The following ERBB4 variants were observed in gnomAD, a reference collection of about 807,000 sequenced individuals.
ERBB4 encodes receptor tyrosine-protein kinase erbB-4.
ERBB4 carries 42 observed loss-of-function variants against 158.0 expected under a neutral mutation model. That is an observed-to-expected ratio of 0.27 (90% CI 0.21 to 0.34). ERBB4 has a LOEUF of 0.34. Ranked by LOEUF, ERBB4 falls within the 10% of genes least tolerant of loss-of-function variation. The pLI is 1.00. For synonymous variants in ERBB4, 583 were observed against 558.7 expected (o/e 1.04, Z -0.61); for missense variants, 1,333 against 1,624.1 (o/e 0.82, Z 3.08).
At chr2:211,952,200 G>C (rs2080892799) in intron 2 of ERBB4, among the ~76,000 whole-genome samples, 1 of 151,946 alleles carries the variant, frequency 6.6e-6, no homozygotes, top group South Asian at 2.1e-4. Context: ...ATTCTCTCAG[G>C]TATTCCTATA....
chr2:211,991,501 A>G (rs1012767007), intron 2 of ERBB4, among the ~76,000 whole-genome samples: 1 of 152,184 alleles, frequency 6.6e-6, no homozygotes, highest in Admixed American at 6.6e-5. Flanking sequence ...TAAATATTAG[A>G]ACAATGCATT....
chr2:212,274,585 C>T (rs1236887795), intron 1 of ERBB4, among the ~76,000 whole-genome samples: 2 of 151,730 alleles, frequency 1.3e-5, no homozygotes, highest in Non-Finnish European at 2.9e-5. Flanking sequence ...TCTAATATGG[C>T]ACCTTAACAT....
intron 3 of ERBB4, among the ~76,000 whole-genome samples, chr2:211,802,148 A>G (rs1472125223): frequency 2.0e-5 from 3 of 152,054 alleles, no homozygotes; most frequent in Non-Finnish European, 2.9e-5. Context: ...AGTCGCAGCT[A>G]CTCGGGAGGC....
chr2:211,957,059 G>A (rs190556498), intron 2 of ERBB4, among the ~76,000 whole-genome samples: 58 of 151,848 alleles, frequency 3.8e-4, no homozygotes, highest in Middle Eastern at 3.4e-3. Context: ...TGAACTCCTC[G>A]CCTCAAGCAA....
chr2:212,107,215 G>A (rs1048106050), intron 2 of ERBB4, among the ~76,000 whole-genome samples: 1 of 152,178 alleles, frequency 6.6e-6, no homozygotes, highest in Non-Finnish European at 1.5e-5. Flanking sequence ...TGGGAGGCTG[G>A]ACCCTGCAAA....
At chr2:211,390,685 G>T (rs955972925) in intron 25 of ERBB4, among the ~76,000 whole-genome samples, 2 of 152,126 alleles carry the variant, frequency 1.3e-5, no homozygotes, top group African/African-American at 4.8e-5. Flanking sequence ...AAGACATAAA[G>T]CGAGGCCATG....
intron 22 of ERBB4, among the ~76,000 whole-genome samples, chr2:211,426,009 T>C (rs1235169061): frequency 6.6e-6 from 1 of 152,162 alleles, no homozygotes. Context: ...AGGAGAACAC[T>C]TTATTAACTT....
chr2:211,834,331 A>G (rs752569858), intron 3 of ERBB4, among the ~76,000 whole-genome samples: 17 of 152,126 alleles, frequency 1.1e-4, no homozygotes, highest in Non-Finnish European at 5.9e-5. Flanking sequence ...CGACTGCTCA[A>G]CAACTTACAG....
At position 211,657,741 on chromosome 2, in the gene ERBB4, T is replaced by C. The variant is rs1183950265; in HGVS notation, c.1946+13A>G. 3 of 1,604,250 alleles carry C rather than the reference T, an allele frequency of 1.9e-6. No individual in the cohort carries two copies. Among genetic ancestry groups the C allele is most frequent in the African/African-American group, 1.3e-5 (1 of 74,868 alleles). On this transcript the variant is annotated intron_variant, in intron 16 of 27. Coordinates refer to ENST00000342788, the MANE Select transcript of ERBB4 (RefSeq NM_005235.3). ...GGATTTGAGCGACAAAATGGAAACA[T>C]GGTAGATGTTACCTAGCATGTTGTG...
At chr2:211,748,054 T>C (rs1024004366) in intron 5 of ERBB4, among the ~76,000 whole-genome samples, 15 of 151,830 alleles carry the variant, frequency 9.9e-5, no homozygotes, top group African/African-American at 3.4e-4. Context: ...TATAGTTTTT[T>C]ATATGTATTA....
intron 2 of ERBB4, among the ~76,000 whole-genome samples, chr2:212,085,793 G>A (rs909680584): frequency 1.3e-5 from 2 of 151,742 alleles, no homozygotes; most frequent in Non-Finnish European, 2.9e-5. Flanking sequence ...ATATAAAGAA[G>A]CTTACACATA....
At chr2:211,431,576 A>G (rs112323098) in intron 20 of ERBB4, among the ~76,000 whole-genome samples, 5 of 152,160 alleles carry the variant, frequency 3.3e-5, no homozygotes, top group African/African-American at 1.2e-4. Flanking sequence ...TGCCAAAATC[A>G]CCATTATAGA....
At chr2:211,615,979 G>T (rs1306678848) in intron 19 of ERBB4, among the ~76,000 whole-genome samples, 2 of 152,088 alleles carry the variant, frequency 1.3e-5, no homozygotes, top group African/African-American at 4.8e-5. Flanking sequence ...ATACAAATAT[G>T]CACATACGCT....
intron 3 of ERBB4, among the ~76,000 whole-genome samples, chr2:211,844,521 A>G (rs2077547443): frequency 6.6e-6 from 1 of 152,206 alleles, no homozygotes; most frequent in African/African-American, 2.4e-5. Flanking sequence ...TTGATTGCTA[A>G]CCTAGTGGTC....
At chr2:212,086,432 C>T (rs956968297) in intron 2 of ERBB4, among the ~76,000 whole-genome samples, 6 of 151,064 alleles carry the variant, frequency 4.0e-5, no homozygotes, top group African/African-American at 1.5e-4. Context: ...AGGCCTTATG[C>T]ATTACCGCCT....
chr2:212,243,006 C>T (rs922580428), intron 1 of ERBB4, among the ~76,000 whole-genome samples: 3 of 152,136 alleles, frequency 2.0e-5, no homozygotes, highest in African/African-American at 7.2e-5. Context: ...ATGAAATTTG[C>T]CACCTCTCAT....
chr2:212,194,319 C>T (rs1307841909), intron 1 of ERBB4, among the ~76,000 whole-genome samples: 1 of 150,288 alleles, frequency 6.7e-6, no homozygotes, highest in African/African-American at 2.4e-5. Context: ...CACACACACA[C>T]TTTGTTTCCT....
intron 3 of ERBB4, among the ~76,000 whole-genome samples, chr2:211,911,454 T>C (rs1359489956): frequency 1.3e-5 from 2 of 151,928 alleles, no homozygotes; most frequent in Non-Finnish European, 2.9e-5. Context: ...TTAGTAGAGA[T>C]GGAGTCTCCC....
At chr2:212,185,012 C>CTTTTTTTTTT (rs558105806) in intron 1 of ERBB4, among the ~76,000 whole-genome samples, 1 of 139,892 alleles carries the variant, frequency 7.1e-6, no homozygotes, top group Admixed American at 6.9e-5. Context: ...ATCACAGTTA[C>CTTTTTTTTTT]TTTTTTTTCT....
Sources: gnomAD v4.1 joint callset for allele counts (sites outside exome capture counted in the v4.1 genomes callset) on GRCh38, gnomAD v4.1.1 for gene constraint, MANE v1.5 for transcripts, NCBI Gene and HGNC (gene_info 2026-07-23, HGNC 2026-07-21) for gene names.